KCNMB2: variants seen among roughly 807,000 people sequenced by gnomAD.
The protein encoded by KCNMB2 is potassium calcium-activated channel subfamily M regulatory beta subunit 2.
In KCNMB2, 9 loss-of-function variants were observed where a neutral mutation model predicts 24.5. The ratio of observed to expected loss-of-function variants is 0.37; its 90% CI spans 0.22 to 0.64. The LOEUF (loss-of-function observed/expected upper bound fraction) is 0.64. Among genes scored for constraint, KCNMB2 ranks in the 30% least tolerant of loss-of-function variants. The pLI is 0.63. For synonymous variants in KCNMB2, 109 were observed against 104.4 expected, an observed-to-expected ratio of 1.04 and a Z score of -0.27; for missense variants, 226 against 284.3, an observed-to-expected ratio of 0.79 and a Z score of 1.47.
chr3:178,697,104 A>G (rs116244829), intron 1 of KCNMB2, among the ~76,000 whole-genome samples: 21,261 of 152,218 alleles, frequency 0.14, 1,818 homozygotes, highest in Admixed American at 0.22. Flanking sequence ...AGAGTTCTGT[A>G]GATATCTATC....
chr3:178,677,626 G>A (rs949492680), intron 1 of KCNMB2, among the ~76,000 whole-genome samples: 1 of 152,168 alleles, frequency 6.6e-6, no homozygotes, highest in Non-Finnish European at 1.5e-5. Flanking sequence ...TGTGCACCAT[G>A]TAAAGAGAAC....
At chr3:178,640,374 G>C (rs1719679793) in intron 1 of KCNMB2, among the ~76,000 whole-genome samples, 1 of 152,184 alleles carries the variant, frequency 6.6e-6, no homozygotes, top group South Asian at 2.1e-4. Flanking sequence ...GAGCAAGAGA[G>C]AGAGAGCAAA....
intron 1 of KCNMB2, among the ~76,000 whole-genome samples, chr3:178,689,423 C>T (rs570835080): frequency 1.3e-5 from 2 of 152,206 alleles, no homozygotes; most frequent in South Asian, 4.2e-4. Flanking sequence ...ATCACGAAGT[C>T]AGGAGATCGA....
At chr3:178,634,889 C>A (rs1194983089) in intron 1 of KCNMB2, among the ~76,000 whole-genome samples, 2 of 152,114 alleles carry the variant, frequency 1.3e-5, no homozygotes, top group Non-Finnish European at 2.9e-5. Context: ...ATCAGAAGGT[C>A]TTGGTCATGC....
intron 1 of KCNMB2, among the ~76,000 whole-genome samples, chr3:178,540,406 A>C (rs1224224411): frequency 2.0e-5 from 3 of 152,194 alleles, no homozygotes; most frequent in Non-Finnish European, 4.4e-5. Context: ...ACTGGTGGTC[A>C]TTTCAATATT....
At chr3:178,771,121 G>C (rs982765179) in intron 1 of KCNMB2, among the ~76,000 whole-genome samples, 1 of 151,984 alleles carries the variant, frequency 6.6e-6, no homozygotes, top group Non-Finnish European at 1.5e-5. Context: ...AATAATCCTT[G>C]GCTCTTCTTT....
intron 2 of KCNMB2, among the ~76,000 whole-genome samples, chr3:178,823,888 T>C (rs1714730571): frequency 6.6e-6 from 1 of 151,066 alleles, no homozygotes; most frequent in South Asian, 2.1e-4. Context: ...GTTATTCTTG[T>C]GCATATTGGC....
intron 1 of KCNMB2, among the ~76,000 whole-genome samples, chr3:178,728,116 A>G (rs1401576026): frequency 6.6e-6 from 1 of 152,172 alleles, no homozygotes; most frequent in African/African-American, 2.4e-5. Context: ...ATCATCACTC[A>G]CACCAGCCTC....
At chr3:178,685,692 A>T (rs1721444671) in intron 1 of KCNMB2, among the ~76,000 whole-genome samples, 1 of 152,242 alleles carries the variant, frequency 6.6e-6, no homozygotes, top group South Asian at 2.1e-4. Context: ...AAACCTGAGC[A>T]GTTGTTATTT....
chr3:178,819,269 G>A (rs529152471), intron 2 of KCNMB2, among the ~76,000 whole-genome samples: 14 of 152,108 alleles, frequency 9.2e-5, no homozygotes, highest in Admixed American at 5.2e-4. Context: ...TGAATTTATC[G>A]AATTTAGCTA....
intron 1 of KCNMB2, among the ~76,000 whole-genome samples, chr3:178,754,073 C>T (rs994088002): frequency 6.6e-6 from 1 of 150,512 alleles, no homozygotes; most frequent in Non-Finnish European, 1.5e-5. Context: ...TTTCACTTAA[C>T]ATAATGTCCT....
chr3:178,581,636 T>C (rs1717208341), intron 1 of KCNMB2, among the ~76,000 whole-genome samples: 1 of 151,984 alleles, frequency 6.6e-6, no homozygotes. Context: ...AGCCCTAATA[T>C]CTAGAATCTA....
At chr3:178,799,987 G>T (rs562349719) in intron 1 of KCNMB2, among the ~76,000 whole-genome samples, 5 of 152,206 alleles carry the variant, frequency 3.3e-5, no homozygotes, top group African/African-American at 1.2e-4. Flanking sequence ...GCTGAAGAAT[G>T]AAACCAGACT....
rs139657220 is a variant in KCNMB2 at position 178,637,193 on chromosome 3, G to T, written c.-68+100482G>T. ...CAAGCATGTATCTTTATAACAGAAT[G>T]ATTTCTGTTCCTTTGAGTATGTACC... On this transcript the variant is annotated intron_variant, in intron 1 of 4. Transcript: ENST00000452583. 8.5e-4 allele frequency among the ~76,000 whole-genome samples: 129 copies of T among 152,250 alleles called. 2 individuals are homozygous for T. In the East Asian group the frequency reaches 0.021, roughly 25 times the overall value.
chr3:178,620,615 C>T (rs536104366), intron 1 of KCNMB2, among the ~76,000 whole-genome samples: 1 of 152,272 alleles, frequency 6.6e-6, no homozygotes, highest in Non-Finnish European at 1.5e-5. Context: ...ACACTAAGCA[C>T]TCATGACCTA....
chr3:178,760,530 GTGTGTT>G (rs1711807557), intron 1 of KCNMB2, among the ~76,000 whole-genome samples: 1 of 140,882 alleles, frequency 7.1e-6, no homozygotes, highest in African/African-American at 2.6e-5. Context: ...GTGTGTGTGT[GTGTGTT>G]TGTGTATACC....
chr3:178,691,586 C>T (rs1721677834), intron 1 of KCNMB2, among the ~76,000 whole-genome samples: 1 of 152,124 alleles, frequency 6.6e-6, no homozygotes, highest in African/African-American at 2.4e-5. Context: ...AAGGATACAA[C>T]CTCATTCTTT....
At chr3:178,658,811 C>T (rs1296841681) in intron 1 of KCNMB2, among the ~76,000 whole-genome samples, 1 of 152,156 alleles carries the variant, frequency 6.6e-6, no homozygotes. Flanking sequence ...TGAAGGACTG[C>T]TCAGATTATT....
chr3:178,752,883 T>C (rs1427230437), intron 1 of KCNMB2, among the ~76,000 whole-genome samples: 1 of 152,212 alleles, frequency 6.6e-6, no homozygotes, highest in African/African-American at 2.4e-5. Flanking sequence ...ACAAACTTAA[T>C]GCATAGTCTT....
Sources: gnomAD v4.1 joint callset for allele counts (sites outside exome capture counted in the v4.1 genomes callset) on GRCh38, gnomAD v4.1.1 for gene constraint, MANE v1.5 for transcripts, NCBI Gene and HGNC (gene_info 2026-07-23, HGNC 2026-07-21) for gene names.